Variants in SLC49A4 observed in about 807,000 individuals in gnomAD.
SLC49A4 encodes the protein disrupted in renal cancer protein 2.
SLC49A4 carries 36 observed loss-of-function variants against 50.6 expected under a neutral mutation model. The observed-to-expected ratio is 0.71, with a 90% CI of 0.55 to 0.94. SLC49A4 has a LOEUF of 0.94. SLC49A4 is among the 40% of genes least tolerant of loss of function. The pLI is 0.00. For synonymous variants in SLC49A4, 248 were observed against 241.2 expected (o/e 1.03, Z -0.26); for missense variants, 503 against 605.7 (o/e 0.83, Z 1.78).
chr3:122,810,683 G>A (rs775169690), intron 2 of SLC49A4, among the ~76,000 whole-genome samples: 1 of 152,162 alleles, frequency 6.6e-6, no homozygotes, highest in Non-Finnish European at 1.5e-5. Flanking sequence ...TTTCAGTTCG[G>A]TGTAATTTTC....
intron 2 of SLC49A4, among the ~76,000 whole-genome samples, chr3:122,813,457 T>C (rs1040072590): frequency 6.6e-6 from 1 of 152,138 alleles, no homozygotes; most frequent in Admixed American, 6.5e-5. Flanking sequence ...CTGATACCCA[T>C]GTAGCCGTCA....
At chr3:122,865,259 T>C (rs1937102848) in intron 7 of SLC49A4, among the ~76,000 whole-genome samples, 1 of 152,206 alleles carries the variant, frequency 6.6e-6, no homozygotes, top group African/African-American at 2.4e-5. Flanking sequence ...CATATAATGT[T>C]TATCCATGGA....
intron 1 of SLC49A4, among the ~76,000 whole-genome samples, chr3:122,806,455 G>A (rs1316250894): frequency 6.6e-6 from 1 of 152,050 alleles, no homozygotes; most frequent in Admixed American, 6.6e-5. Context: ...TCAGCTCACT[G>A]TAGCCTCTGC....
At chr3:122,832,666 T>G (rs1936622509) in intron 3 of SLC49A4, among the ~76,000 whole-genome samples, 2 of 152,208 alleles carry the variant, frequency 1.3e-5, no homozygotes, top group Non-Finnish European at 2.9e-5. Flanking sequence ...ACAATCTCTT[T>G]TATAGTAAGG....
Position 122,795,265 on chromosome 3 carries a change from G to A in SLC49A4, c.73G>A (p.Ala25Thr), listed in dbSNP as rs1177223551. ...LGPGLGPGLG[A>T]SWRSREAAAA... is the part of the protein sequence containing the mutation. ...GCCCGGGCTCGGGCCTGGGCTGGGG[G>A]CCTCCTGGAGAAGCCGGGAGGCGGC... is the stretch of plus-strand genomic sequence containing the variant. The change falls in exon 1 of 9, where the codon GCC becomes ACC. Residue 25 changes from alanine (A) to threonine (T), a missense_variant. Physicochemically the swap from Ala to Thr is moderately conservative, Grantham distance 58. Coordinates refer to ENST00000261038, the MANE Select transcript of SLC49A4 (RefSeq NM_032839.3). 6.4e-6 allele frequency: 9 copies of A among 1,396,296 alleles called. No individual in the cohort carries two copies. The highest frequency in any genetic ancestry group is 1.5e-5 in the African/African-American group (1 of 65,334). 86.5% of individuals were successfully genotyped at this position (1,396,296 alleles called of 1,614,324 possible). A position where few individuals can be genotyped will look rare whatever the true frequency, so the allele number is the denominator to read the frequency against.
In SLC49A4 at chr3:122,838,556, T is replaced by C. The variant is rs1456216445; in HGVS notation, c.833+5110T>C. On this transcript the variant is annotated intron_variant, in intron 4 of 8. Transcript: ENST00000261038. ...GAACATCACACACCAGGGACTGTTG[T>C]GGGGTGGGGGGAGGGGGGAAGGATA... Among the ~76,000 whole-genome samples the C allele has an allele frequency of 1.1e-4, 6 of 55,170 alleles. No individual in the cohort carries two copies. In the Admixed American group the frequency reaches 1.4e-3, roughly 12 times the overall value. 36.2% of individuals were successfully genotyped at this position (55,170 alleles called of 152,430 possible).
chr3:122,825,821 T>C (rs1178194176), intron 2 of SLC49A4, among the ~76,000 whole-genome samples: 1 of 152,078 alleles, frequency 6.6e-6, no homozygotes, highest in African/African-American at 2.4e-5. Context: ...TGGCCTCTTT[T>C]CTATTTCAAG....
chr3:122,843,850 G>A (rs6438767), intron 4 of SLC49A4, among the ~76,000 whole-genome samples: 129,308 of 152,190 alleles, frequency 0.85, 54,971 homozygotes, highest in East Asian at 0.96. Context: ...ATCAGGAGGC[G>A]TATAATATCT....
chr3:122,850,465 C>G (rs1936911408), intron 5 of SLC49A4, among the ~76,000 whole-genome samples: 2 of 151,314 alleles, frequency 1.3e-5, no homozygotes, highest in Admixed American at 6.6e-5. Context: ...CGAGTATTCT[C>G]AGGGCAAACA....
chr3:122,868,213 G>A (rs1325137108), intron 7 of SLC49A4, among the ~76,000 whole-genome samples: 4 of 152,014 alleles, frequency 2.6e-5, no homozygotes, highest in African/African-American at 4.8e-5. Flanking sequence ...TATTTTCAGG[G>A]TTATGATCCA....
intron 5 of SLC49A4, among the ~76,000 whole-genome samples, chr3:122,855,445 T>C (rs990461115): frequency 3.3e-5 from 5 of 152,198 alleles, no homozygotes; most frequent in African/African-American, 7.2e-5. Context: ...GCACTTTACA[T>C]TTATTAACTT....
chr3:122,860,596 C>T (rs1374143367), intron 7 of SLC49A4, among the ~76,000 whole-genome samples: 1 of 152,006 alleles, frequency 6.6e-6, no homozygotes, highest in African/African-American at 2.4e-5. Context: ...TGAACCAGCC[C>T]CTATAGGTTT....
At chr3:122,837,993 C>T (rs1370611162) in intron 4 of SLC49A4, among the ~76,000 whole-genome samples, 1 of 151,946 alleles carries the variant, frequency 6.6e-6, no homozygotes. Context: ...AAATGCAAAT[C>T]AAAACCACAA....
chr3:122,814,921 A>G (rs1482646865), intron 2 of SLC49A4, among the ~76,000 whole-genome samples: 1 of 152,156 alleles, frequency 6.6e-6, no homozygotes, highest in Non-Finnish European at 1.5e-5. Context: ...GGTCTAAACA[A>G]TAGTGGGCTA....
At position 122,815,511 on chromosome 3, in the gene SLC49A4, A is replaced by G. The variant is rs1936352285; in HGVS notation, c.437+8561A>G. On this transcript the variant is annotated intron_variant, in intron 2 of 8. Coordinates refer to ENST00000261038, the MANE Select transcript of SLC49A4 (RefSeq NM_032839.3). ...GTATGTAGTTAAACTCAAGGATGCC[A>G]TACCAAAACAAAGAAAGGGAGAATA... is the stretch of plus-strand genomic sequence containing the variant. 2.0e-5 allele frequency among the ~76,000 whole-genome samples: 3 copies of G among 152,244 alleles called. No individual in the cohort carries two copies. The South Asian group carries it at 6.2e-4, about 31-fold the overall frequency.
chr3:122,795,404 C>A lies in SLC49A4; in HGVS notation c.212C>A (p.Thr71Asn), dbSNP rs1448668584. The A allele has an allele frequency of 6.2e-7, 1 of 1,607,630 alleles. No individual in the cohort carries two copies. The highest frequency in any genetic ancestry group is 2.2e-5 in the East Asian group (1 of 44,676). Residue 71 changes from threonine (T) to asparagine (N), a missense_variant, in exon 1 of 9, where the codon ACC becomes AAC. Physicochemically the swap from Thr to Asn is moderately conservative, Grantham distance 65. Coordinates refer to ENST00000261038, the MANE Select transcript of SLC49A4 (RefSeq NM_032839.3). ...TTCGTTCAGGGCCTGGTCTGGAACACCTGGGGTCCCATCCAGAACTCGGCG... is the reference window on the plus strand; with the variant it reads ...TTCGTTCAGGGCCTGGTCTGGAACAACTGGGGTCCCATCCAGAACTCGGCG... Reference protein sequence around the residue: ...LAFVQGLVWNTWGPIQNSARQ... With the variant: ...LAFVQGLVWNNWGPIQNSARQ...
intron 4 of SLC49A4, among the ~76,000 whole-genome samples, chr3:122,841,822 T>C (rs1936773657): frequency 6.6e-6 from 1 of 152,228 alleles, no homozygotes; most frequent in South Asian, 2.1e-4. Context: ...TGTTTCAGTA[T>C]ATATGTTGCA....
chr3:122,855,691 T>A (rs1183411994), intron 5 of SLC49A4, among the ~76,000 whole-genome samples: 1 of 152,240 alleles, frequency 6.6e-6, no homozygotes, highest in Non-Finnish European at 1.5e-5. Context: ...CTAATGTTTA[T>A]TGAGCACTTC....
chr3:122,798,468 A>G (rs1936081551), intron 1 of SLC49A4, among the ~76,000 whole-genome samples: 1 of 152,006 alleles, frequency 6.6e-6, no homozygotes, highest in Non-Finnish European at 1.5e-5. Flanking sequence ...GGTTGAAGCA[A>G]TAAAAAATAC....
Sources: gnomAD v4.1 joint callset for allele counts (sites outside exome capture counted in the v4.1 genomes callset) on GRCh38, gnomAD v4.1.1 for gene constraint, MANE v1.5 for transcripts, NCBI Gene and HGNC (gene_info 2026-07-23, HGNC 2026-07-21) for gene names.